The following DENND2C variants were observed in gnomAD, a reference collection of about 807,000 sequenced individuals.
The protein encoded by DENND2C is DENN domain containing 2C.
A neutral mutation model predicts 112.4 loss-of-function variants in DENND2C; 72 were observed. That is an observed-to-expected ratio of 0.64 (90% CI 0.53 to 0.78). The LOEUF (loss-of-function observed/expected upper bound fraction) is 0.78, where lower values mean the gene tolerates loss of function less well. Among genes scored for constraint, DENND2C ranks in the 30% least tolerant of loss-of-function variants. The pLI is 0.00. For missense variants in DENND2C, 992 were observed against 1,113.8 expected, an observed-to-expected ratio of 0.89 and a Z score of 1.56; for synonymous variants, 329 against 381.6, an observed-to-expected ratio of 0.86 and a Z score of 1.61.
chr1:114,668,336 T>A (rs1657700860), intron 1 of DENND2C, among the ~76,000 whole-genome samples: 1 of 152,192 alleles, frequency 6.6e-6, no homozygotes, highest in Non-Finnish European at 1.5e-5. Flanking sequence ...TAACTTTCCC[T>A]CTACTACTTC....
At chr1:114,647,833 G>A (rs1657038165) in intron 2 of DENND2C, among the ~76,000 whole-genome samples, 1 of 150,992 alleles carries the variant, frequency 6.6e-6, no homozygotes, top group African/African-American at 2.4e-5. Context: ...TTTTGAGACA[G>A]TCTCACTGTT....
intron 8 of DENND2C, among the ~76,000 whole-genome samples, chr1:114,614,315 T>A (rs1214926917): frequency 1.3e-5 from 2 of 151,756 alleles, no homozygotes; most frequent in Non-Finnish European, 2.9e-5. Context: ...TAGGTAAATA[T>A]AATTATCTAT....
intron 20 of DENND2C, among the ~76,000 whole-genome samples, chr1:114,586,213 T>C (rs1209017369): frequency 2.0e-5 from 3 of 152,230 alleles, no homozygotes; most frequent in Non-Finnish European, 4.4e-5. Context: ...AATGTGTTTC[T>C]GTATGAAGTA....
chr1:114,594,436 C>A (rs74115250), intron 18 of DENND2C, 37 bp downstream of exon 18: 72,576 of 1,526,586 alleles, frequency 0.048, 1,891 homozygotes, highest in Middle Eastern at 0.074. Context: ...ACTACCTTAA[C>A]CCTTAACCTT....
chr1:114,612,489 G>T (rs1020826038), intron 8 of DENND2C, among the ~76,000 whole-genome samples: 1 of 150,896 alleles, frequency 6.6e-6, no homozygotes, highest in Non-Finnish European at 1.5e-5. Flanking sequence ...AGTAGGCTGG[G>T]ACTACAGGCG....
In DENND2C at chr1:114,625,770, T is replaced by C; in HGVS notation, c.215A>G (p.Asp72Gly). The change falls in exon 4 of 21, where the codon GAT (aspartate) becomes GGT (glycine). Residue 72 changes from aspartate (D) to glycine (G), a missense_variant. Coordinates refer to ENST00000393274, the MANE Select transcript of DENND2C (RefSeq NM_001256404.2). ...ACCCACATTTTCACGGCTGGTTACA[T>C]CCAAGTTTTTGCTCTTTCTCTCAGC... ...PIAERKSKNL[D>G]VTSRENVGLD... The C allele has an allele frequency of 6.2e-7, 1 of 1,614,172 alleles. No homozygotes were observed. The highest frequency in any genetic ancestry group is 8.5e-7 in the Non-Finnish European group (1 of 1,180,004).
rs191267718 is a variant in DENND2C at position 114,625,473 on chromosome 1, G to T, written c.512C>A (p.Ser171Tyr). 1.2e-6 allele frequency: 2 copies of T among 1,614,116 alleles called. No homozygotes were observed. The highest frequency in any genetic ancestry group is 4.5e-5 in the East Asian group (2 of 44,864). ...LLNLALEHCD[S>Y]SEKELNFRVL... ...TCTGAAGTTCAGTTCTTTTTCTGAA[G>T]AGTCACAATGTTCTAAAGCCAAATT... The change falls in exon 4 of 21, where the codon TCT (serine) becomes TAT (tyrosine). Residue 171 changes from serine to tyrosine, a missense_variant. This residue lies in a region of DENND2C where 470 missense variants were observed against 472.7 expected (regional missense o/e 0.99). Coordinates refer to ENST00000393274, the MANE Select transcript of DENND2C (RefSeq NM_001256404.2).
intron 8 of DENND2C, among the ~76,000 whole-genome samples, chr1:114,612,497 G>A (rs1655850363): frequency 6.6e-6 from 1 of 151,448 alleles, no homozygotes; most frequent in Admixed American, 6.6e-5. Context: ...GGGACTACAG[G>A]CGTGTGCCAC....
intron 18 of DENND2C, 53 bp downstream of exon 18, chr1:114,594,420 A>C: frequency 1.4e-6 from 2 of 1,443,182 alleles, no homozygotes; most frequent in Non-Finnish European, 1.9e-6. Context: ...CATTCAGTAA[A>C]TATTTACTAC....
At chr1:114,603,065 T>C (rs222498) in intron 11 of DENND2C, among the ~76,000 whole-genome samples, 76,793 of 151,908 alleles carry the variant, frequency 0.51, 19,623 homozygotes, top group South Asian at 0.61. Context: ...GGGCAAAAGA[T>C]ATGTGTTGAT....
Position 114,599,330 on chromosome 1 carries a change from G to A in DENND2C, c.2227C>T (p.Leu743Phe), listed in dbSNP as rs1459126853. 5.0e-6 allele frequency: 8 copies of A among 1,613,906 alleles called. No homozygotes were observed. Among genetic ancestry groups the A allele is most frequent in the Admixed American group, 1.7e-5 (1 of 59,996 alleles). Residue 743 changes from leucine to phenylalanine, a missense_variant, in exon 16 of 21, where the codon CTT (leucine) becomes TTT (phenylalanine). Physicochemically the swap from Leu to Phe is conservative, Grantham distance 22. Coordinates refer to ENST00000393274, the MANE Select transcript of DENND2C (RefSeq NM_001256404.2). Reference sequence around the variant, plus strand: ...AAGGAGCAAGACAGGATTCCAATAAGGAATGGTGTAGGTGAGCACACGATG... The same window carrying A: ...AAGGAGCAAGACAGGATTCCAATAAAGAATGGTGTAGGTGAGCACACGATG... ...IDIVCSPTPF[L>F]IGILSCSLPQ...
chr1:114,625,325 T>A lies in DENND2C; in HGVS notation c.660A>T (p.Leu220Phe). Residue 220 changes from leucine to phenylalanine, a missense_variant, in exon 4 of 21, where the codon TTA becomes TTT. Coordinates refer to ENST00000393274, the MANE Select transcript of DENND2C (RefSeq NM_001256404.2). ...TATACGGCGTAACACCAGATTCGGA[T>A]AAATATCTGAATGTCCTACGAGGTT... is the stretch of plus-strand genomic sequence containing the variant. ...LPKPRRTFRYLSESGVTPYKE... is the reference protein window; with the variant it reads ...LPKPRRTFRYFSESGVTPYKE... The A allele has an allele frequency of 6.2e-7, 1 of 1,614,208 alleles. No homozygotes were observed. Among genetic ancestry groups the A allele is most frequent in the Admixed American group, 1.7e-5 (1 of 60,024 alleles).
At chr1:114,639,743 CTT>C (rs998404114) in intron 3 of DENND2C, among the ~76,000 whole-genome samples, 2 of 140,924 alleles carry the variant, frequency 1.4e-5, no homozygotes, top group African/African-American at 5.3e-5. Flanking sequence ...GAGTTTTGCT[CTT>C]GTTGCCCAGG....
intron 7 of DENND2C, among the ~76,000 whole-genome samples, chr1:114,621,279 GA>G (rs925153932): frequency 6.0e-5 from 9 of 151,064 alleles, no homozygotes; most frequent in East Asian, 1.9e-4. Flanking sequence ...AAATAAATAA[GA>G]AAAAAAAATA....
intron 8 of DENND2C, among the ~76,000 whole-genome samples, chr1:114,618,109 C>T (rs1239471808): frequency 6.6e-6 from 1 of 152,008 alleles, no homozygotes; most frequent in East Asian, 1.9e-4. Flanking sequence ...CTGCCTCAGC[C>T]TCTTGAGTAG....
At chr1:114,637,563 T>C (rs928708513) in intron 3 of DENND2C, among the ~76,000 whole-genome samples, 4 of 151,626 alleles carry the variant, frequency 2.6e-5, no homozygotes, top group Non-Finnish European at 4.4e-5. Context: ...GTCGCCCAGG[T>C]TGGAGTGCAG....
chr1:114,602,452 T>G (rs189496428), intron 11 of DENND2C, among the ~76,000 whole-genome samples: 1 of 152,344 alleles, frequency 6.6e-6, no homozygotes, highest in Non-Finnish European at 1.5e-5. Flanking sequence ...GCCTTAAGAA[T>G]ATCTTGCCTT....
Position 114,601,494 on chromosome 1 carries a change from C to A in DENND2C, c.1815+14G>T. On this transcript the variant is annotated intron_variant, in intron 13 of 20. Transcript: ENST00000393274. ...AAAGGACACCATTTTTCATACAGCT[C>A]ATTCTCCACTCACCTTTGAAAAAAG... 1 of 1,608,056 alleles carries A rather than the reference C, an allele frequency of 6.2e-7. No individual in the cohort carries two copies. Among genetic ancestry groups the A allele is most frequent in the South Asian group, 1.1e-5 (1 of 89,794 alleles).
At chr1:114,592,732 A>C (rs544007112) in intron 18 of DENND2C, among the ~76,000 whole-genome samples, 9 of 152,240 alleles carry the variant, frequency 5.9e-5, no homozygotes, top group African/African-American at 1.9e-4. Flanking sequence ...AAATAAAAAT[A>C]AAAATAATAA....
Sources: allele counts gnomAD v4.1 joint callset (sites outside exome capture counted in the v4.1 genomes callset), GRCh38; gene constraint gnomAD v4.1.1; regional missense constraint gnomAD v4.1.1; transcripts MANE v1.5; gene names NCBI Gene and HGNC (gene_info 2026-07-23, HGNC 2026-07-21).